Variants in NLRC5 observed in about 807,000 individuals in gnomAD.
NLRC5 encodes NLR family CARD domain containing 5.
NLRC5 carries 114 observed loss-of-function variants against 206.9 expected under a neutral mutation model. The ratio of observed to expected loss-of-function variants is 0.55; its 90% CI spans 0.47 to 0.64. NLRC5 has a LOEUF of 0.64. Ranked by LOEUF, NLRC5 falls within the 30% of genes least tolerant of loss-of-function variation. The probability of loss-of-function intolerance (pLI) is 0.00; values close to 1 mark genes in which losing one functional copy is unlikely to be tolerated. For missense variants in NLRC5, 2,008 were observed against 2,305.5 expected (o/e 0.87, Z 2.64); for synonymous variants, 952 against 962.8 (o/e 0.99, Z 0.21).
At chr16:57,045,109 G>A (rs1346264827) in intron 20 of NLRC5, among the ~76,000 whole-genome samples, 5 of 151,858 alleles carry the variant, frequency 3.3e-5, no homozygotes, top group Admixed American at 1.3e-4. Context: ...GGAGGCTGAG[G>A]CAGTAGGATC....
At chr16:57,006,860 T>G (rs1347618280) in intron 1 of NLRC5, among the ~76,000 whole-genome samples, 1 of 148,840 alleles carries the variant, frequency 6.7e-6, no homozygotes, top group Non-Finnish European at 1.5e-5. Context: ...TACACATTTT[T>G]TGAGACAGGG....
intron 1 of NLRC5, chr16:56,992,026 G>T (rs1471987223): frequency 1.3e-5 from 2 of 152,224 alleles, no homozygotes; most frequent in African/African-American, 4.8e-5. Context: ...TGAAGACAGA[G>T]ACATACGGGG....
In NLRC5 at chr16:57,047,648, C is replaced by T; in HGVS notation, c.3422+20C>T. 1 of 1,598,342 alleles carries T rather than the reference C, an allele frequency of 6.3e-7. No homozygotes were observed. The highest frequency in any genetic ancestry group is 8.6e-7 in the Non-Finnish European group (1 of 1,169,028). On this transcript the variant is annotated intron_variant, in intron 23 of 48. Coordinates refer to ENST00000688547, the MANE Select transcript of NLRC5 (RefSeq NM_001384950.1). ...ACTGCAGTAAGTAACGAGGACACAG[C>T]CCCAGAGGGCACCATGTGGGGATCT...
At chr16:57,048,966 G>A in intron 23 of NLRC5, among the ~76,000 whole-genome samples, 1 of 152,168 alleles carries the variant, frequency 6.6e-6, no homozygotes, top group Non-Finnish European at 1.5e-5. Flanking sequence ...GGGACGAGCT[G>A]CAAGTTACTC....
At chr16:57,046,821 CCCTGACGGGCAGCTCAGCTGGCCCATG>C (rs1380815831) in intron 22 of NLRC5, among the ~76,000 whole-genome samples, 180 bp downstream of exon 22, 2 of 152,102 alleles carry the variant, frequency 1.3e-5, no homozygotes, top group African/African-American at 4.8e-5. Flanking sequence ...GAGCTCTGGC[CCCTGACGGGCAGCTCAGCTGGCCCATG>C]CCCCGCATTC....
intron 1 of NLRC5, chr16:56,991,223 G>C (rs2056789050): frequency 6.6e-6 from 1 of 152,100 alleles, no homozygotes; most frequent in African/African-American, 2.4e-5. Context: ...TCTTGGAAGA[G>C]TTTCACAATA....
Position 57,035,421 on chromosome 16 carries a change from G to A in NLRC5, c.2628-679G>A, listed in dbSNP as rs553286118. 7.9e-5 allele frequency among the ~76,000 whole-genome samples: 12 copies of A among 152,112 alleles called. 1 individual carries two copies. The South Asian group carries it at 1.9e-3, about 24-fold the overall frequency. ...ATAAAACCCACATTCTAAACTCCCA[G>A]GTGGTCCAGAACCCTGCCCCCAGCC... On this transcript the variant is annotated intron_variant, in intron 13 of 48. Transcript: ENST00000688547.
chr16:57,072,760 G>A (rs1472039071), intron 38 of NLRC5, among the ~76,000 whole-genome samples: 2 of 151,920 alleles, frequency 1.3e-5, no homozygotes, highest in Non-Finnish European at 2.9e-5. Flanking sequence ...GAAATGCCCC[G>A]GGGATGACAC....
At chr16:56,993,127 ATAT>A (rs1567492059) in intron 1 of NLRC5, among the ~76,000 whole-genome samples, 1 of 146,896 alleles carries the variant, frequency 6.8e-6, no homozygotes, top group Non-Finnish European at 1.5e-5. Flanking sequence ...ATGTGTATAT[ATAT>A]ATACACACAC....
Position 57,080,901 on chromosome 16 carries a change from C to T in NLRC5, c.5322-197C>T, listed in dbSNP as rs997835716. ...GAACAACGTCATGATTCAAACTTGA[C>T]GGGGAGGGGAGCAGGGAGGAAGGTA... On this transcript the variant is annotated intron_variant, in intron 46 of 48. Transcript: ENST00000688547. 5.7e-5 allele frequency: 31 copies of T among 546,336 alleles called. No individual in the cohort carries two copies. The Admixed American group carries it at 7.8e-4, about 14-fold the overall frequency. The allele number at this position is 546,336 out of a possible 1,614,324, so 33.8% of individuals were successfully genotyped here.
Position 57,008,797 on chromosome 16 carries a change from A to G in NLRC5, c.-127-8277A>G, listed in dbSNP as rs201068761. ...TTTTTAATTTTAAAGAATAACAAAC[A>G]GCCTCACTAAATCAGAGGAAAGAAA... is the stretch of plus-strand genomic sequence containing the variant. On this transcript the variant is annotated intron_variant, in intron 1 of 48. Transcript: ENST00000688547. 3.1e-3 allele frequency among the ~76,000 whole-genome samples: 468 copies of G among 152,302 alleles called. 6 individuals are homozygous for G. Among genetic ancestry groups the G allele is most frequent in the African/African-American group, 0.01 (421 of 41,576 alleles).
At chr16:57,073,578 T>G (rs1174793249) in intron 38 of NLRC5, among the ~76,000 whole-genome samples, 2 of 152,186 alleles carry the variant, frequency 1.3e-5, no homozygotes. Context: ...GACCATCTTT[T>G]GCTTCTGCCT....
intron 17 of NLRC5, 111 bp downstream of exon 17, chr16:57,040,829 T>TG: frequency 1.0e-6 from 1 of 995,150 alleles, no homozygotes; most frequent in Non-Finnish European, 1.6e-6. Flanking sequence ...GAAGGACACC[T>TG]GACCTGCTGT....
intron 33 of NLRC5, 52 bp downstream of exon 33, chr16:57,065,350 G>A: frequency 1.5e-6 from 2 of 1,343,288 alleles, no homozygotes; most frequent in Non-Finnish European, 2.0e-6. Context: ...CATAAGCATT[G>A]GGACTTTTCC....
chr16:57,078,081 T>TG (rs11432614), intron 43 of NLRC5, 61 bp downstream of exon 43: 381,450 of 1,334,492 alleles, frequency 0.29, 57,907 homozygotes, highest in African/African-American at 0.64. Flanking sequence ...TCGGGAGCAG[T>TG]GGGGGGGTCC....
rs766354961 is a variant in NLRC5, at chr16:57,061,638, G to A, written c.4091G>A (p.Gly1364Asp). 3 of 1,610,122 alleles carry A rather than the reference G, an allele frequency of 1.9e-6. No individual in the cohort carries two copies. Among genetic ancestry groups the A allele is most frequent in the Admixed American group, 1.7e-5 (1 of 59,938 alleles). ...TCCAGGCTGACCCAGTGCTGCCTGG[G>A]CCAGAAGCAGCTGGCCATCCTCCTG... is the stretch of plus-strand genomic sequence containing the variant. Reference protein sequence around the residue: ...TELTLTQCCLGQKQLAILLSL... With the variant: ...TELTLTQCCLDQKQLAILLSL... The change falls in exon 32 of 49, where the codon GGC (glycine) becomes GAC (aspartate). Residue 1364 changes from glycine (G) to aspartate (D), a missense_variant. Transcript: ENST00000688547.
chr16:57,010,340 AATGAAATATTT>A (rs2059358963), intron 1 of NLRC5, among the ~76,000 whole-genome samples: 2 of 152,162 alleles, frequency 1.3e-5, no homozygotes, highest in South Asian at 4.1e-4. Context: ...TCAAAAGTAA[AATGAAATATTT>A]TCTCAGTAGA....
At chr16:56,991,129 C>T (rs2056775339) in intron 1 of NLRC5, 1 of 152,178 alleles carries the variant, frequency 6.6e-6, no homozygotes, top group Non-Finnish European at 1.5e-5. Flanking sequence ...CACGCCCACC[C>T]AGTGCCTTGA....
chr16:57,029,948 C>A (rs758851210), intron 9 of NLRC5, 47 bp from the exon 10 acceptor site: 1 of 1,611,888 alleles, frequency 6.2e-7, no homozygotes, highest in East Asian at 2.2e-5. Flanking sequence ...TCTGGGGCCC[C>A]TGGGGTAGGG....
Sources: gnomAD v4.1 joint callset for allele counts (sites outside exome capture counted in the v4.1 genomes callset) on GRCh38, gnomAD v4.1.1 for gene constraint, MANE v1.5 for transcripts, NCBI Gene and HGNC (gene_info 2026-07-23, HGNC 2026-07-21) for gene names.